CPNE4: variants seen among roughly 807,000 people sequenced by gnomAD.
CPNE4 encodes the protein copine-4.
Under a neutral mutation model 67.9 loss-of-function variants are expected in CPNE4, and 25 were observed. The observed-to-expected ratio is 0.37, with a 90% confidence interval of 0.27 to 0.51. The LOEUF is 0.51. Among genes scored for constraint, CPNE4 ranks in the 20% least tolerant of loss-of-function variants. The pLI, the probability that CPNE4 is intolerant of heterozygous loss-of-function variation, is 0.93. For synonymous variants in CPNE4, 242 were observed against 244.9 expected (o/e 0.99, Z 0.11); for missense variants, 464 against 690.8 (o/e 0.67, Z 3.68).
chr3:131,986,846 A>C (rs1254080876), intron 1 of CPNE4, among the ~76,000 whole-genome samples: 6 of 130,486 alleles, frequency 4.6e-5, no homozygotes, highest in Non-Finnish European at 9.6e-5. Context: ...AAAAAAACAA[A>C]AAAAAACAAA....
intron 2 of CPNE4, among the ~76,000 whole-genome samples, chr3:131,853,328 G>A (rs866303776): frequency 4.0e-5 from 6 of 151,812 alleles, no homozygotes; most frequent in African/African-American, 9.6e-5. Context: ...GGAAAAAAGC[G>A]TAAAAATATT....
chr3:131,706,932 G>A (rs949578352), intron 3 of CPNE4, among the ~76,000 whole-genome samples: 2 of 152,074 alleles, frequency 1.3e-5, no homozygotes, highest in South Asian at 2.1e-4. Context: ...AGACTGAACC[G>A]ATGTATATCT....
chr3:131,592,905 G>A (rs911169588), intron 7 of CPNE4, among the ~76,000 whole-genome samples: 2 of 152,180 alleles, frequency 1.3e-5, no homozygotes, highest in Non-Finnish European at 2.9e-5. Flanking sequence ...TCTGTAGAAT[G>A]CATGGATAAG....
chr3:131,846,240 C>T (rs968731362), intron 2 of CPNE4, among the ~76,000 whole-genome samples: 1 of 152,158 alleles, frequency 6.6e-6, no homozygotes, highest in Non-Finnish European at 1.5e-5. Context: ...TTAGTAAGTA[C>T]ATATTCATCA....
chr3:131,621,997 C>T (rs144716339), intron 7 of CPNE4, among the ~76,000 whole-genome samples: 2,558 of 95,348 alleles, frequency 0.027, 21 homozygotes, highest in Middle Eastern at 0.14. Context: ...CCAGCCTGGG[C>T]AACAAAGCCA....
chr3:131,564,190 G>T (rs1035966833), intron 11 of CPNE4, 26 bp downstream of exon 11: 1 of 1,612,032 alleles, frequency 6.2e-7, no homozygotes, highest in Non-Finnish European at 8.5e-7. Flanking sequence ...AGATGATAAG[G>T]CTCCAAATGT....
chr3:131,942,449 TGTGTGTGTGTGTGTGAGAGAGA>T (rs1215747528), intron 1 of CPNE4, among the ~76,000 whole-genome samples: 5 of 61,778 alleles, frequency 8.1e-5, no homozygotes, highest in South Asian at 4.7e-4. Context: ...TGTGTGTGTG[TGTGTGTGTGTGTGTGAGAGAGA>T]GAGAGAGAGA....
intron 1 of CPNE4, among the ~76,000 whole-genome samples, chr3:131,978,513 T>TA (rs1275537863): frequency 2.3e-4 from 19 of 81,570 alleles, no homozygotes; most frequent in African/African-American, 1.0e-3. Context: ...TTTATATATA[T>TA]TTATTTATAT....
At chr3:131,993,485 A>AAAAAAAAAAAAAAAAAC in intron 1 of CPNE4, among the ~76,000 whole-genome samples, 1 of 130,966 alleles carries the variant, frequency 7.6e-6, no homozygotes, top group African/African-American at 2.5e-5. Context: ...AAAAAAAAAA[A>AAAAAAAAAAAAAAAAAC]AAAAGCATAG....
At chr3:131,681,389 T>C (rs917740331) in intron 6 of CPNE4, among the ~76,000 whole-genome samples, 1 of 152,222 alleles carries the variant, frequency 6.6e-6, no homozygotes, top group African/African-American at 2.4e-5. Flanking sequence ...AAGAATATTT[T>C]TGCTGGATAT....
At chr3:131,710,537 T>G (rs1008044945) in intron 3 of CPNE4, among the ~76,000 whole-genome samples, 2 of 152,190 alleles carry the variant, frequency 1.3e-5, no homozygotes, top group African/African-American at 4.8e-5. Context: ...AGTGGCTTAG[T>G]AGGCAAGGTA....
chr3:131,770,483 G>A (rs1250134538), intron 2 of CPNE4, among the ~76,000 whole-genome samples: 1 of 152,230 alleles, frequency 6.6e-6, no homozygotes, highest in African/African-American at 2.4e-5. Flanking sequence ...CGAGCTGCAG[G>A]GGAGCTCTCA....
intron 7 of CPNE4, among the ~76,000 whole-genome samples, chr3:131,643,027 C>T (rs879855129): frequency 6.6e-6 from 1 of 152,062 alleles, no homozygotes. Flanking sequence ...CAGAAGAAGA[C>T]AGGAAGATGT....
In CPNE4 at chr3:131,792,004, G is replaced by C. The variant is rs187550785; in HGVS notation, c.181-68379C>G. On this transcript the variant is annotated intron_variant, in intron 2 of 15. Transcript: ENST00000429747. ...TAACAGAACTGGCAATTTTCTGCTT[G>C]CATCAGAATTTAAGGAAACTAGGAC... 1.2e-4 allele frequency among the ~76,000 whole-genome samples: 18 copies of C among 152,208 alleles called. No individual in the cohort carries two copies. In the East Asian group the frequency reaches 3.3e-3, roughly 28 times the overall value.
chr3:131,626,233 A>C (rs1055406375), intron 7 of CPNE4, among the ~76,000 whole-genome samples: 1 of 152,206 alleles, frequency 6.6e-6, no homozygotes, highest in Non-Finnish European at 1.5e-5. Context: ...TCTCACTTTA[A>C]ATCAAAAGCT....
In CPNE4 at chr3:131,991,942, T is replaced by C. The variant is rs182364881; in HGVS notation, c.-2+42625A>G. Among the ~76,000 whole-genome samples the C allele has an allele frequency of 2.0e-3, 267 of 136,214 alleles. 16 individuals are homozygous for C. Among genetic ancestry groups the C allele is most frequent in the African/African-American group, 6.3e-3 (258 of 40,792 alleles). 89.4% of individuals were successfully genotyped at this position (136,214 alleles called of 152,430 possible). On this transcript the variant is annotated intron_variant, in intron 1 of 15. Transcript: ENST00000429747. ...AAGACTTCACAGCTTCCATGTGGTG[T>C]TTGTCCTACAGATGCACAGAAGACA...
At chr3:131,564,075 A>T in intron 11 of CPNE4, 141 bp downstream of exon 11, 1 of 943,302 alleles carries the variant, frequency 1.1e-6, no homozygotes, top group Non-Finnish European at 1.7e-6. Context: ...TAGTTTTTCT[A>T]GTACAGAGGG....
chr3:131,850,078 G>T (rs933715650), intron 2 of CPNE4, among the ~76,000 whole-genome samples: 1 of 151,964 alleles, frequency 6.6e-6, no homozygotes, highest in Non-Finnish European at 1.5e-5. Context: ...CTTAATATTG[G>T]AGTATTATTT....
chr3:131,660,004 AT>A (rs2080082593), intron 7 of CPNE4, among the ~76,000 whole-genome samples: 1 of 152,150 alleles, frequency 6.6e-6, no homozygotes, highest in African/African-American at 2.4e-5. Flanking sequence ...AAAATTTGCC[AT>A]TTATTTTTAA....
Sources: allele counts gnomAD v4.1 joint callset (sites outside exome capture counted in the v4.1 genomes callset), GRCh38; gene constraint gnomAD v4.1.1; transcripts MANE v1.5; gene names NCBI Gene and HGNC (gene_info 2026-07-23, HGNC 2026-07-21).